Variants in MED1 observed in about 807,000 individuals in gnomAD.
MED1 encodes mediator complex subunit 1, also known as mediator of RNA polymerase II transcription subunit 1.
MED1 carries 17 observed loss-of-function variants against 121.3 expected under a neutral mutation model. The ratio of observed to expected loss-of-function variants is 0.14; its 90% CI spans 0.10 to 0.21. MED1 has a LOEUF of 0.21. Among genes scored for constraint, MED1 ranks in the 10% least tolerant of loss-of-function variants. The pLI, the probability that MED1 is intolerant of heterozygous loss-of-function variation, is 1.00. For missense variants in MED1, 1,558 were observed against 1,919.4 expected (o/e 0.81, Z 3.52); for synonymous variants, 661 against 694.4 (o/e 0.95, Z 0.76).
chr17:39,447,706 A>G, intron 2 of MED1, 92 bp downstream of exon 2: 1 of 857,140 alleles, frequency 1.2e-6, no homozygotes, highest in Non-Finnish European at 1.8e-6. Context: ...ATGTTTTATG[A>G]AGATAGTATG....
chr17:39,450,291 C>G (rs2048770053), intron 1 of MED1, among the ~76,000 whole-genome samples: 1 of 152,138 alleles, frequency 6.6e-6, no homozygotes, highest in African/African-American at 2.4e-5. Context: ...CTTTGTTTTT[C>G]TTGAGAAACC....
chr17:39,427,308 A>C (rs1409333877), intron 10 of MED1: 1 of 152,688 alleles, frequency 6.5e-6, no homozygotes, highest in Non-Finnish European at 1.5e-5. Context: ...TAGCCTCCTG[A>C]GTAGCTGGGA....
intron 3 of MED1, among the ~76,000 whole-genome samples, chr17:39,442,996 C>CTTTTTTT (rs754729976): frequency 4.8e-5 from 4 of 82,884 alleles, no homozygotes; most frequent in Non-Finnish European, 6.6e-5. Context: ...TCCCAGGTAT[C>CTTTTTTT]TTTTTTTTTT....
At chr17:39,438,135 C>G (rs2048637295) in intron 6 of MED1, among the ~76,000 whole-genome samples, 1 of 150,564 alleles carries the variant, frequency 6.6e-6, no homozygotes, top group African/African-American at 2.4e-5. Flanking sequence ...GTCAGGAGTT[C>G]AAGATCAGCC....
intron 16 of MED1, among the ~76,000 whole-genome samples, chr17:39,414,634 C>CTTTTTTTTTTTT: frequency 1.6e-5 from 1 of 61,558 alleles, no homozygotes; most frequent in South Asian, 5.3e-4. Context: ...CAGGCCCGGC[C>CTTTTTTTTTTTT]TTTTTTTTTT....
At chr17:39,439,661 G>A (rs1256366159) in intron 5 of MED1, among the ~76,000 whole-genome samples, 5 of 152,154 alleles carry the variant, frequency 3.3e-5, no homozygotes, top group South Asian at 2.1e-4. Flanking sequence ...GGTTCCTGCC[G>A]GTGCAGTGGC....
chr17:39,439,492 G>C (rs1319426105), intron 5 of MED1, among the ~76,000 whole-genome samples: 1 of 152,100 alleles, frequency 6.6e-6, no homozygotes, highest in Admixed American at 6.6e-5. Context: ...AAATTATCTG[G>C]TTACACAGAT....
rs2048318827 is a variant in MED1 at position 39,407,935 on chromosome 17, T to G, written c.4286A>C (p.Lys1429Thr). 1 of 1,614,014 alleles carries G rather than the reference T, an allele frequency of 6.2e-7. No homozygotes were observed. Among genetic ancestry groups the G allele is most frequent in the African/African-American group, 1.3e-5 (1 of 74,926 alleles). Reference protein sequence around the residue: ...EGLRPQMASSKNYGSPLISGS... With the variant: ...EGLRPQMASSTNYGSPLISGS... ...ACTGATGAGTGGAGAGCCATAGTTT[T>G]TAGAAGAAGCCATTTGAGGCCTAAG... The change falls in exon 17 of 17, where the codon AAA (lysine) becomes ACA (threonine). Residue 1429 changes from lysine to threonine, a missense_variant. Around this residue, in one of 5 missense-constraint regions of MED1, gnomAD observed 264 missense variants for 326.1 expected, o/e 0.81. Coordinates refer to ENST00000300651, the MANE Select transcript of MED1 (RefSeq NM_004774.4).
chr17:39,441,024 A>C (rs2048669780), intron 3 of MED1, among the ~76,000 whole-genome samples: 3 of 152,174 alleles, frequency 2.0e-5, no homozygotes, highest in African/African-American at 7.2e-5. Context: ...AACATTAACA[A>C]CACCATTAAT....
intron 6 of MED1, among the ~76,000 whole-genome samples, chr17:39,435,714 G>C (rs2048611763): frequency 6.6e-6 from 1 of 150,898 alleles, no homozygotes; most frequent in Non-Finnish European, 1.5e-5. Context: ...TTTCTTTTTT[G>C]AGACAGAGTC....
chr17:39,409,593 A>C lies in MED1; in HGVS notation c.2628T>G (p.Ser876Arg). 6.2e-7 allele frequency: 1 copy of C among 1,614,096 alleles called. No homozygotes were observed. The highest frequency in any genetic ancestry group is 8.5e-7 in the Non-Finnish European group (1 of 1,180,032). The change falls in exon 17 of 17, where the codon AGT becomes AGG. Residue 876 changes from serine to arginine, a missense_variant. Around this residue, in one of 5 missense-constraint regions of MED1, gnomAD observed 793 missense variants for 898.2 expected, o/e 0.88. Coordinates refer to ENST00000300651, the MANE Select transcript of MED1 (RefSeq NM_004774.4). ...NPDLLNSQSQ[S>R]GFGEEYFDES... ...CATCAAAATATTCTTCTCCAAAACCACTTTGGCTCTGGCTGTTCAATAAAT... is the reference window on the plus strand; with the variant it reads ...CATCAAAATATTCTTCTCCAAAACCCCTTTGGCTCTGGCTGTTCAATAAAT...
rs768008360 is a variant in MED1 at position 39,407,566 on chromosome 17, A to C, written c.4655T>G (p.Leu1552Ter). 1.9e-6 allele frequency: 3 copies of C among 1,613,952 alleles called. No individual in the cohort carries two copies. Among genetic ancestry groups the C allele is most frequent in the South Asian group, 1.1e-5 (1 of 91,078 alleles). ...GAGCCTTGAGGGTCTGTCTGCAGAT[A>C]AGATTGTGTTACTTGTCATAGACAA... Reference protein sequence around the residue: ...QSLSMTSNTILSADRPSRLSP... With the variant: ...QSLSMTSNTI The change falls in exon 17 of 17, where the codon TTA (leucine) becomes TGA (stop). Residue 1552 changes from leucine (L) to a stop codon, truncating the protein, a stop_gained. Transcript: ENST00000300651. LOFTEE classifies it high-confidence loss of function.
At chr17:39,413,590 C>A (rs1330522059) in intron 16 of MED1, among the ~76,000 whole-genome samples, 1 of 151,952 alleles carries the variant, frequency 6.6e-6, no homozygotes, top group East Asian at 1.9e-4. Flanking sequence ...TCTGCTCAGG[C>A]AGACACAGTG....
intron 3 of MED1, among the ~76,000 whole-genome samples, chr17:39,442,082 G>A (rs181883923): frequency 3.4e-5 from 5 of 146,138 alleles, no homozygotes; most frequent in Admixed American, 6.8e-5. Context: ...CAGCCTGGAC[G>A]ACAGAGTGAG....
rs546284245 is a variant in MED1 at position 39,408,815 on chromosome 17, C to T, written c.3406G>A (p.Gly1136Arg). 3 of 1,613,958 alleles carry T rather than the reference C, an allele frequency of 1.9e-6. No individual in the cohort carries two copies. In the South Asian group the frequency reaches 3.3e-5, roughly 18 times the overall value. ...KLSSSMYSSQGSSGSSQSKNS... is the reference protein window; with the variant it reads ...KLSSSMYSSQRSSGSSQSKNS... ...TTGGACTGGCTAGATCCAGAAGACC[C>T]CTGGCTAGAATACATACTGCTACTT... Residue 1136 changes from glycine (G) to arginine (R), a missense_variant, in exon 17 of 17, where the codon GGG (glycine) becomes AGG (arginine). This residue lies in a region of MED1 where 793 missense variants were observed against 898.2 expected (regional missense o/e 0.88). Transcript: ENST00000300651. The surrounding 1 kb of genome is among the most constrained non-coding windows in gnomAD (Gnocchi z 4.7).
At chr17:39,424,055 G>T (rs1023952738) in intron 11 of MED1, among the ~76,000 whole-genome samples, 1 of 152,024 alleles carries the variant, frequency 6.6e-6, no homozygotes, top group Non-Finnish European at 1.5e-5. Context: ...GCTAATTTTT[G>T]TATTGTTAGT....
At chr17:39,430,406 A>T (rs1340671321) in intron 9 of MED1, among the ~76,000 whole-genome samples, 1 of 151,500 alleles carries the variant, frequency 6.6e-6, no homozygotes, top group Admixed American at 6.6e-5. Flanking sequence ...TAAGAATAAA[A>T]ATTGGCCAGG....
chr17:39,421,144 C>T (rs188322400), intron 13 of MED1, among the ~76,000 whole-genome samples: 3 of 148,800 alleles, frequency 2.0e-5, no homozygotes, highest in Admixed American at 1.4e-4. Flanking sequence ...AGGATTTTGC[C>T]GGAGGATGAG....
chr17:39,430,836 A>G (rs1313720864), intron 9 of MED1, among the ~76,000 whole-genome samples: 4 of 152,052 alleles, frequency 2.6e-5, no homozygotes, highest in Non-Finnish European at 5.9e-5. Flanking sequence ...TGGCCAAAAC[A>G]GTGAAACCCT....
Sources: gnomAD v4.1 joint callset for allele counts (sites outside exome capture counted in the v4.1 genomes callset) on GRCh38, gnomAD v4.1.1 for gene constraint, gnomAD v4.1.1 regional missense constraint, Gnocchi (gnomAD v3.1) non-coding constraint, MANE v1.5 for transcripts, NCBI Gene and HGNC (gene_info 2026-07-23, HGNC 2026-07-21) for gene names.